The following XRRA1 variants were observed in gnomAD, a reference collection of about 807,000 sequenced individuals.
XRRA1 encodes the protein X-ray radiation resistance associated 1.
A neutral mutation model predicts 80.2 loss-of-function variants in XRRA1; 69 were observed. The observed-to-expected ratio is 0.86, with a 90% CI of 0.71 to 1.05. The LOEUF (loss-of-function observed/expected upper bound fraction) is 1.05, where lower values mean the gene tolerates loss of function less well. XRRA1 is among the 50% of genes least tolerant of loss of function. The probability of loss-of-function intolerance (pLI) is 0.00; values close to 1 mark genes in which losing one functional copy is unlikely to be tolerated. For synonymous variants in XRRA1, 348 were observed against 389.9 expected, an observed-to-expected ratio of 0.89 and a Z score of 1.27; for missense variants, 967 against 976.4, an observed-to-expected ratio of 0.99 and a Z score of 0.13.
At chr11:74,878,195 G>A (rs1374342694) in intron 10 of XRRA1, among the ~76,000 whole-genome samples, 289 of 151,736 alleles carry the variant, frequency 1.9e-3, no homozygotes, top group African/African-American at 6.9e-3. Context: ...GTTTTGATTT[G>A]CATTTCTCTG....
intron 10 of XRRA1, among the ~76,000 whole-genome samples, chr11:74,873,943 A>T (rs2045467944): frequency 6.6e-6 from 1 of 151,846 alleles, no homozygotes; most frequent in African/African-American, 2.4e-5. Context: ...ATCACCTCAT[A>T]AAAAAAACTC....
At chr11:74,882,155 G>A (rs1421912132) in intron 10 of XRRA1, among the ~76,000 whole-genome samples, 2 of 152,152 alleles carry the variant, frequency 1.3e-5, no homozygotes, top group Non-Finnish European at 2.9e-5. Flanking sequence ...CAAATCAGAC[G>A]TAGATTTTGG....
intron 8 of XRRA1, 98 bp downstream of exon 8, chr11:74,921,116 T>C: frequency 6.7e-7 from 1 of 1,500,930 alleles, no homozygotes; most frequent in Non-Finnish European, 9.1e-7. Context: ...CTTTGAGCAC[T>C]TACAGCCTAT....
chr11:74,861,669 A>C (rs971565936), intron 11 of XRRA1, among the ~76,000 whole-genome samples: 2 of 152,066 alleles, frequency 1.3e-5, no homozygotes, highest in African/African-American at 4.8e-5. Context: ...CACCCACCCC[A>C]CCCCAGTCCA....
At chr11:74,851,324 G>T in intron 13 of XRRA1, 121 bp from the exon 14 acceptor site, 1 of 649,536 alleles carries the variant, frequency 1.5e-6, no homozygotes, top group African/African-American at 1.9e-5. Flanking sequence ...TCAACCCTAG[G>T]AGGTAGGTCG....
chr11:74,842,024 T>C lies in XRRA1; in HGVS notation c.*1176A>G, dbSNP rs1795939461. 6.6e-6 allele frequency: 1 copy of C among 151,828 alleles called. No homozygotes were observed. Among genetic ancestry groups the C allele is most frequent in the South Asian group, 2.1e-4 (1 of 4,826 alleles). 9.4% of individuals were successfully genotyped at this position (151,828 alleles called of 1,614,324 possible). A position where few individuals can be genotyped will look rare whatever the true frequency, so the allele number is the denominator to read the frequency against. On this transcript the variant is annotated 3_prime_UTR_variant, in exon 19 of 19. Transcript: ENST00000684022. ...CGAATAGTTTTTTTTTTTTTGAACC[T>C]GATACACTGTTTGTTTACTCTCAAC...
intron 10 of XRRA1, among the ~76,000 whole-genome samples, chr11:74,882,423 CAA>C: frequency 6.6e-6 from 1 of 151,532 alleles, no homozygotes. Context: ...AAATTTTTTT[CAA>C]AGTTTTCAAC....
intron 10 of XRRA1, among the ~76,000 whole-genome samples, chr11:74,888,002 C>A (rs1362859876): frequency 6.6e-6 from 1 of 152,196 alleles, no homozygotes; most frequent in African/African-American, 2.4e-5. Flanking sequence ...GAGGGCAGGA[C>A]ATTGCCAAAC....
At position 74,921,214 on chromosome 11, in the gene XRRA1, T is replaced by C. The variant is rs1006389804; in HGVS notation, c.656A>G (p.Gln219Arg). 8 of 1,613,542 alleles carry C rather than the reference T, an allele frequency of 5.0e-6. No homozygotes were observed. The African/African-American group carries it at 6.7e-5, about 13-fold the overall frequency. ...SLPPNLAVAE[Q>R]EASVTSLTSK... ...ATGGACTCCAGGAGGTAGAACTTACTGTTCTGCGACGGCCAAATTGGGCGG... is the reference window on the plus strand; with the variant it reads ...ATGGACTCCAGGAGGTAGAACTTACCGTTCTGCGACGGCCAAATTGGGCGG... The change falls in exon 8 of 19, where the codon CAG (glutamine) becomes CGG (arginine). Residue 219 changes from glutamine to arginine, a missense_variant and splice_region_variant. Transcript: ENST00000684022.
intron 10 of XRRA1, chr11:74,876,314 T>A (rs1266437854): frequency 6.6e-6 from 1 of 152,246 alleles, no homozygotes; most frequent in East Asian, 1.9e-4. Flanking sequence ...CTTGGGTCAC[T>A]CTTCTTCCCA....
chr11:74,882,533 G>A (rs1419953804), intron 10 of XRRA1, among the ~76,000 whole-genome samples: 1 of 151,976 alleles, frequency 6.6e-6, no homozygotes, highest in Non-Finnish European at 1.5e-5. Context: ...CTCCATCCAG[G>A]TTTGTTCCGT....
chr11:74,885,801 GC>G (rs1269107551), intron 10 of XRRA1, among the ~76,000 whole-genome samples: 1 of 152,034 alleles, frequency 6.6e-6, no homozygotes, highest in Non-Finnish European at 1.5e-5. Flanking sequence ...GAACATAGAT[GC>G]AAAAATCCTC....
At chr11:74,939,542 C>T (rs1697168661) in intron 3 of XRRA1, among the ~76,000 whole-genome samples, 1 of 152,124 alleles carries the variant, frequency 6.6e-6, no homozygotes, top group Non-Finnish European at 1.5e-5. Context: ...TCAACATGCC[C>T]TCATTATTTT....
chr11:74,872,558 A>G (rs1383484644), intron 10 of XRRA1, among the ~76,000 whole-genome samples: 1 of 151,842 alleles, frequency 6.6e-6, no homozygotes, highest in African/African-American at 2.4e-5. Context: ...CAGTGTGGCA[A>G]GTCAGGGCAC....
intron 12 of XRRA1, among the ~76,000 whole-genome samples, chr11:74,856,801 C>T (rs941579245): frequency 1.3e-5 from 2 of 152,128 alleles, no homozygotes; most frequent in African/African-American, 4.8e-5. Context: ...CAACCCTTCT[C>T]CATAGTTAAC....
rs376942940 is a variant in XRRA1, at chr11:74,851,086, A to G, written c.1380+2T>C. On this transcript the variant is annotated splice_donor_variant, in intron 14 of 18. Coordinates refer to ENST00000684022, the MANE Select transcript of XRRA1 (RefSeq NM_001378157.1). LOFTEE classifies it high-confidence loss of function. ...GTGGGAGTCCTGCCTTGGAAGCCCTACCTTCCATGATTCCTTCCGAGACAT... is the reference window on the plus strand; with the variant it reads ...GTGGGAGTCCTGCCTTGGAAGCCCTGCCTTCCATGATTCCTTCCGAGACAT... 29 of 1,605,466 alleles carry G rather than the reference A, an allele frequency of 1.8e-5. No individual in the cohort carries two copies. Among genetic ancestry groups the G allele is most frequent in the African/African-American group, 2.7e-5 (2 of 74,586 alleles).
At chr11:74,854,011 A>C (rs1176348818) in intron 12 of XRRA1, among the ~76,000 whole-genome samples, 1 of 152,170 alleles carries the variant, frequency 6.6e-6, no homozygotes, top group East Asian at 1.9e-4. Context: ...ATGGGGAGGT[A>C]CAAGAGAGAG....
In XRRA1 at chr11:74,848,439, C is replaced by T. The variant is rs2038886805; in HGVS notation, c.1404G>A (p.Val468=). Residue 468 remains valine (V), a synonymous_variant, in exon 15 of 19, where the codon GTG becomes GTA. Transcript: ENST00000684022. ...GATGGAGCACCAGAGGCTGCTTCGG[C>T]ACCTTTGGGATTTCGCTTTTCACCT... ...SWKVKSEIPK[V]PKQPLVLHHP... is the part of the protein sequence containing the mutation. 1 of 1,610,704 alleles carries T rather than the reference C, an allele frequency of 6.2e-7. No homozygotes were observed. Among genetic ancestry groups the T allele is most frequent in the Admixed American group, 1.7e-5 (1 of 59,784 alleles).
intron 8 of XRRA1, among the ~76,000 whole-genome samples, chr11:74,910,381 T>G (rs1182605023): frequency 1.3e-5 from 2 of 152,198 alleles, no homozygotes. Flanking sequence ...TTGTATGGTC[T>G]GAAGCAGAAA....
Sources: gnomAD v4.1 joint callset for allele counts (sites outside exome capture counted in the v4.1 genomes callset) on GRCh38, gnomAD v4.1.1 for gene constraint, MANE v1.5 for transcripts, NCBI Gene and HGNC (gene_info 2026-07-23, HGNC 2026-07-21) for gene names.